Variants in CAPRIN1 observed in about 807,000 individuals in gnomAD.
The protein encoded by CAPRIN1 is caprin-1.
A neutral mutation model predicts 100.9 loss-of-function variants in CAPRIN1; 29 were observed. That is an observed-to-expected ratio of 0.29 (90% CI 0.21 to 0.39). The LOEUF is 0.39. Among genes scored for constraint, CAPRIN1 ranks in the 10% least tolerant of loss-of-function variants. The pLI, the probability that CAPRIN1 is intolerant of heterozygous loss-of-function variation, is 1.00. For missense variants in CAPRIN1, 795 were observed against 876.7 expected (o/e 0.91, Z 1.18); for synonymous variants, 338 against 307.5 (o/e 1.10, Z -1.04).
intron 2 of CAPRIN1, among the ~76,000 whole-genome samples, chr11:34,057,426 G>A (rs1041591619): frequency 1.3e-5 from 2 of 152,230 alleles, no homozygotes; most frequent in African/African-American, 4.8e-5. Flanking sequence ...TTGTTTTAAC[G>A]TGGCCAAATT....
chr11:34,061,691 C>T (rs1483878912), intron 2 of CAPRIN1, among the ~76,000 whole-genome samples: 1 of 151,770 alleles, frequency 6.6e-6, no homozygotes, highest in African/African-American at 2.4e-5. Flanking sequence ...CCTTACCGGC[C>T]GGGCACAATG....
Position 34,052,830 on chromosome 11 carries a change from A to G in CAPRIN1, c.216+194A>G, listed in dbSNP as rs1261281611. ...TGCCCAGAAAACGGGCTCTTGGAAG[A>G]GGCACTTGTCACCTGACTCGGACGC... On this transcript the variant is annotated intron_variant, in intron 2 of 18. Transcript: ENST00000341394. 2.1e-6 allele frequency: 3 copies of G among 1,446,012 alleles called. No homozygotes were observed. The African/African-American group carries it at 4.3e-5, about 21-fold the overall frequency. The allele number at this position is 1,446,012 out of a possible 1,614,324, so 89.6% of individuals were successfully genotyped here.
In CAPRIN1 at chr11:34,086,105, T is replaced by G; in HGVS notation, c.1008T>G (p.Pro336=). The G allele has an allele frequency of 5.0e-6, 8 of 1,614,066 alleles. No individual in the cohort carries two copies. Among genetic ancestry groups the G allele is most frequent in the Non-Finnish European group, 6.8e-6 (8 of 1,179,992 alleles). ...AGCAGCAACCTCAGGCTGCATCCCC[T>G]TCAGTACCAGAGCCCCACTCTTTGA... ...SLQQQPQAAS[P]SVPEPHSLTP... Residue 336 remains proline, a synonymous_variant, in exon 10 of 19, where the codon CCT becomes CCG. Coordinates refer to ENST00000341394, the MANE Select transcript of CAPRIN1 (RefSeq NM_005898.5).
chr11:34,097,120 C>T (rs2134139474), intron 16 of CAPRIN1, 76 bp from the exon 17 acceptor site: 5 of 969,280 alleles, frequency 5.2e-6, no homozygotes, highest in South Asian at 4.1e-5. Context: ...CTAGTTCTTC[C>T]CGTCTTCATT....
chr11:34,075,660 C>T (rs1467286269), intron 4 of CAPRIN1, among the ~76,000 whole-genome samples: 1 of 152,166 alleles, frequency 6.6e-6, no homozygotes, highest in East Asian at 1.9e-4. Context: ...AGTAGATACT[C>T]AAAGTTAGAA....
intron 1 of CAPRIN1, 157 bp from the exon 2 acceptor site, chr11:34,052,264 C>T (rs1266279005): frequency 2.5e-5 from 15 of 605,914 alleles, no homozygotes; most frequent in East Asian, 1.0e-4. Flanking sequence ...CCCGCGCACT[C>T]TTCCTGCCCT....
At chr11:34,097,344 G>A (rs1175582926) in intron 17 of CAPRIN1, 48 bp downstream of exon 17, 5 of 1,379,988 alleles carry the variant, frequency 3.6e-6, no homozygotes, top group East Asian at 4.6e-5. Flanking sequence ...ATATACCAAT[G>A]AAAGTGACTT....
chr11:34,070,193 A>G (rs1188138965), intron 2 of CAPRIN1, among the ~76,000 whole-genome samples: 1 of 152,180 alleles, frequency 6.6e-6, no homozygotes, highest in African/African-American at 2.4e-5. Context: ...ACTTAATAGT[A>G]GCCTGGGAAA....
At chr11:34,087,929 G>A (rs562370786) in intron 11 of CAPRIN1, among the ~76,000 whole-genome samples, 25 of 152,318 alleles carry the variant, frequency 1.6e-4, no homozygotes, top group Non-Finnish European at 2.8e-4. Context: ...GGGAAGGGAG[G>A]TGAGAGAGTG....
At chr11:34,052,102 C>T (rs1461372501) in intron 1 of CAPRIN1, 4 of 150,824 alleles carry the variant, frequency 2.7e-5, no homozygotes, top group Admixed American at 6.6e-5. Context: ...GTTGCAGTGG[C>T]CGTTGGCGGC....
chr11:34,066,879 G>A (rs150917970), intron 2 of CAPRIN1, among the ~76,000 whole-genome samples: 9,340 of 148,832 alleles, frequency 0.063, 373 homozygotes, highest in Non-Finnish European at 0.091. Context: ...TGATCCACCC[G>A]CCTCAGCCTC....
chr11:34,084,562 G>A (rs112656323), intron 9 of CAPRIN1, among the ~76,000 whole-genome samples: 19 of 152,284 alleles, frequency 1.2e-4, no homozygotes, highest in Non-Finnish European at 7.4e-5. Flanking sequence ...TACTCAAGTT[G>A]TGCCATGTAT....
In CAPRIN1 at chr11:34,102,327, A is replaced by G. The variant is rs1790240069; in HGVS notation, c.*2960A>G. On this transcript the variant is annotated 3_prime_UTR_variant, in exon 19 of 19. Coordinates refer to ENST00000341394, the MANE Select transcript of CAPRIN1 (RefSeq NM_005898.5). The stretch of plus-strand genomic sequence containing the variant: ...GAAGTGGAATGCAGATAAGTGCCGA[A>G]TTCAAACCCTTCATTTTATGTTTAA... 2.0e-5 allele frequency among the ~76,000 whole-genome samples: 3 copies of G among 152,190 alleles called. No individual in the cohort carries two copies. The highest frequency in any genetic ancestry group is 4.1e-4 in the South Asian group (2 of 4,830).
chr11:34,101,903 T>C lies in CAPRIN1; in HGVS notation c.*2536T>C, dbSNP rs1464105623. On this transcript the variant is annotated 3_prime_UTR_variant, in exon 19 of 19. Coordinates refer to ENST00000341394, the MANE Select transcript of CAPRIN1 (RefSeq NM_005898.5). ...AGCAAGCTCACATACAAAATACTTTTGTATATGCATAATATAAATCATCTC... is the reference window on the plus strand; with the variant it reads ...AGCAAGCTCACATACAAAATACTTTCGTATATGCATAATATAAATCATCTC... 6.6e-6 allele frequency among the ~76,000 whole-genome samples: 1 copy of C among 152,220 alleles called. No individual in the cohort carries two copies. Among genetic ancestry groups the C allele is most frequent in the African/African-American group, 2.4e-5 (1 of 41,468 alleles).
chr11:34,071,058 A>G (rs919846005), intron 2 of CAPRIN1, among the ~76,000 whole-genome samples: 5 of 152,212 alleles, frequency 3.3e-5, no homozygotes, highest in African/African-American at 1.2e-4. Flanking sequence ...GGGAGAGGCA[A>G]AAATTTAACT....
chr11:34,052,320 G>C (rs1164313599), intron 1 of CAPRIN1, 101 bp from the exon 2 acceptor site: 1 of 1,001,830 alleles, frequency 1.0e-6, no homozygotes, highest in African/African-American at 1.7e-5. Context: ...GTAGGCTACC[G>C]CTCGCTGCGC....
At position 34,062,968 on chromosome 11, in the gene CAPRIN1, CTT is replaced by C. The variant is rs564937181; in HGVS notation, c.217-8756_217-8755del. The stretch of plus-strand genomic sequence containing the variant: ...GGGTTTTTTGGAGTTTATCATCTCT[CTT>C]TGCTATTTATTTTTAATTGCATAAT... On this transcript the variant is annotated intron_variant, in intron 2 of 18. Transcript: ENST00000341394. 367 of 152,164 alleles carry C rather than the reference CTT, an allele frequency of 2.4e-3. 2 individuals are homozygous for C. Among genetic ancestry groups the C allele is most frequent in the African/African-American group, 8.0e-3 (334 of 41,498 alleles). 9.4% of individuals were successfully genotyped at this position (152,164 alleles called of 1,614,324 possible).
intron 2 of CAPRIN1, 41 bp from the exon 3 acceptor site, chr11:34,071,685 C>A: frequency 6.9e-7 from 1 of 1,454,544 alleles, no homozygotes; most frequent in South Asian, 1.2e-5. Flanking sequence ...TGGTATATAC[C>A]TTCAAAACGG....
chr11:34,090,616 A>G lies in CAPRIN1; in HGVS notation c.1492A>G (p.Ser498Gly). The change falls in exon 14 of 19, where the codon AGC becomes GGC. Residue 498 changes from serine to glycine, a missense_variant. Coordinates refer to ENST00000341394, the MANE Select transcript of CAPRIN1 (RefSeq NM_005898.5). ...GCCTCAAGTATTTCAGGCTGGGACA[A>G]GCAAACCTTTACATAGCAGTGGAAT... ...SQPQVFQAGT[S>G]KPLHSSGINV... 1.9e-6 allele frequency: 3 copies of G among 1,614,206 alleles called. No individual in the cohort carries two copies. Among genetic ancestry groups the G allele is most frequent in the African/African-American group, 1.3e-5 (1 of 75,070 alleles).
Sources: allele counts gnomAD v4.1 joint callset (sites outside exome capture counted in the v4.1 genomes callset), GRCh38; gene constraint gnomAD v4.1.1; transcripts MANE v1.5; gene names NCBI Gene and HGNC (gene_info 2026-07-23, HGNC 2026-07-21).